KCNH5: variants seen among roughly 807,000 people sequenced by gnomAD.
KCNH5 encodes voltage-gated delayed rectifier potassium channel KCNH5.
A neutral mutation model predicts 96.1 loss-of-function variants in KCNH5; 46 were observed. That is an observed-to-expected ratio of 0.48 (90% CI 0.38 to 0.61). The LOEUF is 0.61. Ranked by LOEUF, KCNH5 falls within the 20% of genes least tolerant of loss-of-function variation. The pLI, the probability that KCNH5 is intolerant of heterozygous loss-of-function variation, is 0.00. For missense variants in KCNH5, 907 were observed against 1,225.8 expected (o/e 0.74, Z 3.88); for synonymous variants, 439 against 449.8 (o/e 0.98, Z 0.30).
intron 9 of KCNH5, among the ~76,000 whole-genome samples, chr14:62,789,961 C>A (rs1346030207): frequency 6.6e-6 from 1 of 151,544 alleles, no homozygotes; most frequent in Non-Finnish European, 1.5e-5. Context: ...GTGTTATATC[C>A]AAAAAGTCAT....
At chr14:62,794,374 T>C (rs1305690510) in intron 9 of KCNH5, among the ~76,000 whole-genome samples, 1 of 151,982 alleles carries the variant, frequency 6.6e-6, no homozygotes, top group Non-Finnish European at 1.5e-5. Context: ...AAAATTCCTG[T>C]TAACCAGAGC....
At chr14:62,875,743 G>A (rs76717587) in intron 7 of KCNH5, among the ~76,000 whole-genome samples, 4,682 of 152,268 alleles carry the variant, frequency 0.031, 241 homozygotes, top group African/African-American at 0.11. Context: ...GTGGCCAGGC[G>A]CAGTGGCTCA....
At chr14:62,931,309 C>G (rs188537650) in intron 7 of KCNH5, among the ~76,000 whole-genome samples, 59 of 152,202 alleles carry the variant, frequency 3.9e-4, no homozygotes, top group African/African-American at 1.3e-3. Flanking sequence ...AAGTTTTGAT[C>G]AAGAGCTACA....
chr14:62,871,896 T>A (rs1888262798), intron 7 of KCNH5, among the ~76,000 whole-genome samples: 1 of 152,200 alleles, frequency 6.6e-6, no homozygotes, highest in African/African-American at 2.4e-5. Flanking sequence ...AATCTCAGAC[T>A]GAGTCATTGT....
intron 7 of KCNH5, among the ~76,000 whole-genome samples, chr14:62,895,755 G>T (rs1282415003): frequency 6.6e-6 from 1 of 152,166 alleles, no homozygotes; most frequent in Non-Finnish European, 1.5e-5. Flanking sequence ...AAAGACTGAT[G>T]TCTTTTTCTC....
At chr14:62,911,446 G>A (rs1889152590) in intron 7 of KCNH5, among the ~76,000 whole-genome samples, 5 of 151,722 alleles carry the variant, frequency 3.3e-5, no homozygotes, top group Admixed American at 2.6e-4. Flanking sequence ...CAAAAGCCAA[G>A]TAGAATGTTT....
rs535569789 is a variant in KCNH5, at chr14:62,949,889, T to C, written c.1369+244A>G. The C allele has an allele frequency of 3.6e-5, 12 of 334,836 alleles. No individual in the cohort carries two copies. The South Asian group carries it at 4.6e-4, about 13-fold the overall frequency. The allele number at this position is 334,836 out of a possible 1,614,324, so 20.7% of individuals were successfully genotyped here. ...CACCTCTCTGGATGCTGGTCCTGGT[T>C]CCTTCAAGAGAGCACTGCTGGGTAC... On this transcript the variant is annotated intron_variant, in intron 7 of 10. Coordinates refer to ENST00000322893, the MANE Select transcript of KCNH5 (RefSeq NM_139318.5).
Position 63,000,451 on chromosome 14 carries a change from T to G in KCNH5, c.433+880A>C, listed in dbSNP as rs142884544. 7.0e-3 allele frequency among the ~76,000 whole-genome samples: 1,063 copies of G among 152,276 alleles called. 13 individuals carry two copies. Among genetic ancestry groups the G allele is most frequent in the African/African-American group, 0.025 (1,025 of 41,552 alleles). ...GGAGGTAAAAGCACATGCCACTGAC[T>G]AGTGGTTTCTATAGCAGTCTCTTTG... On this transcript the variant is annotated intron_variant, in intron 4 of 10. Transcript: ENST00000322893.
chr14:62,952,934 A>G (rs1459364153), intron 6 of KCNH5, among the ~76,000 whole-genome samples: 1 of 152,154 alleles, frequency 6.6e-6, no homozygotes, highest in Non-Finnish European at 1.5e-5. Flanking sequence ...CTTAAATATT[A>G]TAAAATGTTT....
chr14:62,881,808 T>G (rs1169474171), intron 7 of KCNH5, among the ~76,000 whole-genome samples: 1 of 149,660 alleles, frequency 6.7e-6, no homozygotes, highest in African/African-American at 2.4e-5. Context: ...ACACTGCTAG[T>G]GAGTGATAAA....
intron 7 of KCNH5, among the ~76,000 whole-genome samples, chr14:62,857,161 T>C (rs961463495): frequency 1.3e-5 from 2 of 152,152 alleles, no homozygotes; most frequent in Admixed American, 6.5e-5. Context: ...TTATTTCCTA[T>C]ATGCCCTAAA....
chr14:62,927,389 G>C (rs1889496847), intron 7 of KCNH5, among the ~76,000 whole-genome samples: 2 of 152,108 alleles, frequency 1.3e-5, no homozygotes, highest in Non-Finnish European at 2.9e-5. Flanking sequence ...CTTCTGGATA[G>C]ATATCCAAAA....
At chr14:62,885,139 G>C (rs899417430) in intron 7 of KCNH5, among the ~76,000 whole-genome samples, 1 of 152,120 alleles carries the variant, frequency 6.6e-6, no homozygotes, top group Admixed American at 6.5e-5. Flanking sequence ...GCTCAAAAAA[G>C]ATTCTTGAAA....
rs566910174 is a variant in KCNH5 at position 62,708,012 on chromosome 14, A to G, written c.2463T>C (p.His821=). 8 of 1,613,938 alleles carry G rather than the reference A, an allele frequency of 5.0e-6. No homozygotes were observed. The South Asian group carries it at 6.6e-5, about 13-fold the overall frequency. Residue 821 remains histidine, a synonymous_variant, in exon 11 of 11, where the codon CAT becomes CAC. Transcript: ENST00000322893. ...WLRLKNNMGA[H]EEKKEDWNNV... The stretch of plus-strand genomic sequence containing the variant: ...TATTCCAGTCTTCCTTTTTCTCCTC[A>G]TGGGCTCCCATATTATTCTTGAGTC...
chr14:62,877,046 T>C (rs113158026), intron 7 of KCNH5, among the ~76,000 whole-genome samples: 5,396 of 152,290 alleles, frequency 0.035, 309 homozygotes, highest in African/African-American at 0.12. Context: ...GTTGTAGATA[T>C]GTGGCATTAT....
intron 7 of KCNH5, among the ~76,000 whole-genome samples, chr14:62,876,822 A>C (rs1888383138): frequency 6.6e-6 from 1 of 152,202 alleles, no homozygotes; most frequent in Admixed American, 6.5e-5. Context: ...TAAATAGAGA[A>C]AAGACAGTAG....
intron 7 of KCNH5, among the ~76,000 whole-genome samples, chr14:62,906,934 A>C (rs1889040283): frequency 6.6e-6 from 1 of 152,158 alleles, no homozygotes; most frequent in Non-Finnish European, 1.5e-5. Flanking sequence ...GCAAAATAAA[A>C]AATGTATCCT....
rs992081393 is a variant in KCNH5, at chr14:62,704,599, A to G, written c.*2909T>C. The G allele has an allele frequency of 2.0e-5, 3 of 151,922 alleles. No individual in the cohort carries two copies. Among genetic ancestry groups the G allele is most frequent in the Non-Finnish European group, 2.9e-5 (2 of 67,808 alleles). 9.4% of individuals were successfully genotyped at this position (151,922 alleles called of 1,614,324 possible). On this transcript the variant is annotated 3_prime_UTR_variant, in exon 11 of 11. Coordinates refer to ENST00000322893, the MANE Select transcript of KCNH5 (RefSeq NM_139318.5). ...GCATCTGATCTTACCTATTAATAAC[A>G]TCATAGAAAAATATTGAAGGTGTGT...
intron 10 of KCNH5, among the ~76,000 whole-genome samples, chr14:62,736,834 T>C (rs1423371669): frequency 6.6e-6 from 1 of 152,230 alleles, no homozygotes; most frequent in Non-Finnish European, 1.5e-5. Context: ...CTTTTCTCTT[T>C]CTTTAACTCT....
Sources: allele counts gnomAD v4.1 joint callset (sites outside exome capture counted in the v4.1 genomes callset), GRCh38; gene constraint gnomAD v4.1.1; transcripts MANE v1.5; gene names NCBI Gene and HGNC (gene_info 2026-07-23, HGNC 2026-07-21).